The following TRABD2B variants were observed in gnomAD, a reference collection of about 807,000 sequenced individuals.
The protein encoded by TRABD2B is TraB domain containing 2B.
In TRABD2B, 14 loss-of-function variants were observed where a neutral mutation model predicts 40.1. The observed-to-expected ratio is 0.35, with a 90% confidence interval of 0.23 to 0.55. TRABD2B has a LOEUF of 0.55. Ranked by LOEUF, TRABD2B falls within the 20% of genes least tolerant of loss-of-function variation. The pLI is 0.90. For missense variants in TRABD2B, 541 were observed against 648.6 expected (o/e 0.83, Z 1.80); for synonymous variants, 263 against 277.0 (o/e 0.95, Z 0.50).
intron 2 of TRABD2B, among the ~76,000 whole-genome samples, chr1:47,944,849 G>C (rs186984615): frequency 8.1e-4 from 123 of 152,286 alleles, no homozygotes; most frequent in African/African-American, 2.8e-3. Flanking sequence ...CTCTGTCCTG[G>C]GCAAACTTCC....
At chr1:47,995,523 CGT>C (rs1015285272) in intron 1 of TRABD2B, among the ~76,000 whole-genome samples, 44 of 149,904 alleles carry the variant, frequency 2.9e-4, no homozygotes, top group Non-Finnish European at 3.0e-5. Flanking sequence ...TGTGTGTGCG[CGT>C]GTGTGTGTAT....
intron 2 of TRABD2B, among the ~76,000 whole-genome samples, chr1:47,827,954 C>G (rs1335759256): frequency 6.6e-6 from 1 of 152,162 alleles, no homozygotes; most frequent in Non-Finnish European, 1.5e-5. Flanking sequence ...AGCTTGGATG[C>G]AGGGGCATAA....
chr1:47,909,438 GAGA>G (rs1011112419), intron 2 of TRABD2B, among the ~76,000 whole-genome samples: 31 of 148,842 alleles, frequency 2.1e-4, no homozygotes, highest in South Asian at 4.5e-4. Context: ...GAGAGAGAGA[GAGA>G]AGAAGAAGAA....
intron 2 of TRABD2B, among the ~76,000 whole-genome samples, chr1:47,804,710 G>T (rs1001829274): frequency 6.6e-6 from 1 of 152,180 alleles, no homozygotes; most frequent in Non-Finnish European, 1.5e-5. Flanking sequence ...GTAAGTGCTG[G>T]ATAAGTGTTT....
chr1:47,895,354 T>C (rs1173095074), intron 2 of TRABD2B, among the ~76,000 whole-genome samples: 1 of 152,170 alleles, frequency 6.6e-6, no homozygotes, highest in Non-Finnish European at 1.5e-5. Context: ...CTGAGCGAGC[T>C]GTGGGTTGCT....
At position 47,869,226 on chromosome 1, in the gene TRABD2B, C is replaced by T. The variant is rs1644105820; in HGVS notation, c.667-67607G>A. On this transcript the variant is annotated intron_variant, in intron 2 of 6. Coordinates refer to ENST00000606738, the MANE Select transcript of TRABD2B (RefSeq NM_001194986.2). ...ATGTATACATATATACAAAACCATT[C>T]ATATTAGGTTGGTTCTCAATAAAAT... 2.6e-5 allele frequency among the ~76,000 whole-genome samples: 4 copies of T among 152,188 alleles called. No homozygotes were observed. In the South Asian group the frequency reaches 8.3e-4, roughly 32 times the overall value.
chr1:47,863,692 G>C (rs1644011946), intron 2 of TRABD2B, among the ~76,000 whole-genome samples: 1 of 152,026 alleles, frequency 6.6e-6, no homozygotes, highest in Admixed American at 6.6e-5. Context: ...AGATGGTTAG[G>C]TCTTACAAAA....
rs369335532 is a variant in TRABD2B at position 47,818,631 on chromosome 1, G to A, written c.667-17012C>T. On this transcript the variant is annotated intron_variant, in intron 2 of 6. Coordinates refer to ENST00000606738, the MANE Select transcript of TRABD2B (RefSeq NM_001194986.2). ...CATCAGCCAGTCATTAATTCCAGGG[G>A]AGGGTGCACGTGGAACCAGAAGGGG... 7 of 152,262 alleles carry A rather than the reference G, an allele frequency of 4.6e-5. 1 individual carries two copies. Among genetic ancestry groups the A allele is most frequent in the Admixed American group, 4.6e-4 (7 of 15,280 alleles). The allele number at this position is 152,262 out of a possible 1,614,324, so 9.4% of individuals were successfully genotyped here.
chr1:47,771,291 A>T (rs6657202), intron 6 of TRABD2B, among the ~76,000 whole-genome samples: 2 of 151,992 alleles, frequency 1.3e-5, no homozygotes, highest in Non-Finnish European at 2.9e-5. Flanking sequence ...GACCCAGAGG[A>T]CAATGACTCT....
chr1:47,795,421 C>T (rs4926622), intron 3 of TRABD2B, among the ~76,000 whole-genome samples: 2,310 of 152,228 alleles, frequency 0.015, 86 homozygotes, highest in Admixed American at 0.089. Flanking sequence ...CTCACTTCAC[C>T]GCCGAGCCTG....
chr1:47,946,000 T>A (rs986409443), intron 2 of TRABD2B, among the ~76,000 whole-genome samples: 4 of 152,214 alleles, frequency 2.6e-5, no homozygotes, highest in Non-Finnish European at 4.4e-5. Context: ...CCATTTTGCA[T>A]TCCCAGCCAC....
intron 2 of TRABD2B, among the ~76,000 whole-genome samples, chr1:47,891,036 G>A (rs888705925): frequency 8.5e-5 from 13 of 152,310 alleles, no homozygotes; most frequent in Admixed American, 7.2e-4. Flanking sequence ...GGGAACAGTG[G>A]CTGAGTTCCA....
intron 2 of TRABD2B, among the ~76,000 whole-genome samples, chr1:47,954,337 G>A (rs1464988632): frequency 6.6e-6 from 1 of 152,102 alleles, no homozygotes; most frequent in East Asian, 1.9e-4. Flanking sequence ...CCTTTCCCTG[G>A]AAACTGTCTC....
intron 2 of TRABD2B, among the ~76,000 whole-genome samples, chr1:47,976,378 T>G (rs1472048634): frequency 6.6e-6 from 1 of 151,998 alleles, no homozygotes; most frequent in African/African-American, 2.4e-5. Context: ...AGCATTTATC[T>G]CTCTCTGACT....
chr1:47,953,820 G>T (rs1177144593), intron 2 of TRABD2B, among the ~76,000 whole-genome samples: 1 of 152,082 alleles, frequency 6.6e-6, no homozygotes, highest in Non-Finnish European at 1.5e-5. Flanking sequence ...TGGCTGAGTG[G>T]GGGCTGAATC....
intron 6 of TRABD2B, among the ~76,000 whole-genome samples, chr1:47,769,657 C>A (rs775384963): frequency 1.1e-4 from 16 of 152,362 alleles, no homozygotes; most frequent in Non-Finnish European, 1.6e-4. Context: ...GCAAAGTGGC[C>A]TCAAAGCCAA....
chr1:47,968,704 G>A (rs752237842), intron 2 of TRABD2B, among the ~76,000 whole-genome samples: 6 of 152,186 alleles, frequency 3.9e-5, no homozygotes, highest in South Asian at 2.1e-4. Context: ...TGGGGTGGGC[G>A]TGGCACTTCA....
chr1:47,948,356 T>C (rs1271209468), intron 2 of TRABD2B, among the ~76,000 whole-genome samples: 1 of 152,166 alleles, frequency 6.6e-6, no homozygotes, highest in African/African-American at 2.4e-5. Flanking sequence ...AACATTAAAC[T>C]TCCCAATCAG....
Position 47,972,460 on chromosome 1 carries a change from C to T in TRABD2B, c.666+21574G>A, listed in dbSNP as rs369501210. Among the ~76,000 whole-genome samples, 7 of 150,144 alleles carry T rather than the reference C, an allele frequency of 4.7e-5. No individual in the cohort carries two copies. In the East Asian group the frequency reaches 5.9e-4, roughly 13 times the overall value. On this transcript the variant is annotated intron_variant, in intron 2 of 6. Coordinates refer to ENST00000606738, the MANE Select transcript of TRABD2B (RefSeq NM_001194986.2). The stretch of plus-strand genomic sequence containing the variant: ...GATGGGGCCTCTGGGAGGTAATAGG[C>T]CATGAGGGTGGCACCCTAGTGAATG...
Sources: allele counts gnomAD v4.1 joint callset (sites outside exome capture counted in the v4.1 genomes callset), GRCh38; gene constraint gnomAD v4.1.1; transcripts MANE v1.5; gene names NCBI Gene and HGNC (gene_info 2026-07-23, HGNC 2026-07-21).